Variants in GRB10 observed in about 807,000 individuals in gnomAD.
The protein encoded by GRB10 is growth factor receptor-bound protein 10.
A neutral mutation model predicts 80.9 loss-of-function variants in GRB10; 20 were observed. The ratio of observed to expected loss-of-function variants is 0.25; its 90% CI spans 0.17 to 0.36. GRB10 has a LOEUF of 0.36. Ranked by LOEUF, GRB10 falls within the 10% of genes least tolerant of loss-of-function variation. The probability of loss-of-function intolerance (pLI) is 1.00; values close to 1 mark genes in which losing one functional copy is unlikely to be tolerated. For synonymous variants in GRB10, 291 were observed against 291.5 expected (o/e 1.00, Z 0.02); for missense variants, 548 against 747.7 (o/e 0.73, Z 3.12).
chr7:50,601,220 A>C lies in GRB10; in HGVS notation c.1544+2778T>G, dbSNP rs563079919. ...ACAATGAAATGACAGAAGGATAAACAAACACTAATAAAAGCTGTTTATCTG... is the reference window on the plus strand; with the variant it reads ...ACAATGAAATGACAGAAGGATAAACCAACACTAATAAAAGCTGTTTATCTG... On this transcript the variant is annotated intron_variant, in intron 17 of 18. Transcript: ENST00000401949. Among the ~76,000 whole-genome samples the C allele has an allele frequency of 2.0e-5, 3 of 152,346 alleles. No individual in the cohort carries two copies. In the East Asian group the frequency reaches 5.8e-4, roughly 29 times the overall value.
At chr7:50,733,565 A>G (rs1263893505) in intron 3 of GRB10, among the ~76,000 whole-genome samples, 1 of 152,222 alleles carries the variant, frequency 6.6e-6, no homozygotes, top group Non-Finnish European at 1.5e-5. Flanking sequence ...AGCAGTCAAT[A>G]GCAGTGGAAG....
At chr7:50,690,916 T>G (rs1388661549) in intron 5 of GRB10, among the ~76,000 whole-genome samples, 1 of 152,210 alleles carries the variant, frequency 6.6e-6, no homozygotes, top group Non-Finnish European at 1.5e-5. Flanking sequence ...TAGCTGAGAT[T>G]TGAAAAATTA....
intron 7 of GRB10, among the ~76,000 whole-genome samples, chr7:50,652,434 G>A (rs2058100751): frequency 1.3e-5 from 2 of 152,134 alleles, no homozygotes; most frequent in South Asian, 4.2e-4. Context: ...CCTTTATTAG[G>A]GGAACTCCAA....
intron 17 of GRB10, among the ~76,000 whole-genome samples, chr7:50,600,456 T>C (rs1033562739): frequency 2.0e-5 from 3 of 151,838 alleles, no homozygotes. Flanking sequence ...TACCCAGCAG[T>C]GAGGATAAAT....
chr7:50,732,401 C>CAA, intron 3 of GRB10, 33 bp from the exon 4 acceptor site: 3 of 1,211,766 alleles, frequency 2.5e-6, no homozygotes, highest in Admixed American at 2.1e-5. Flanking sequence ...GAAGCCAAGC[C>CAA]AGAAAAAAAA....
intron 5 of GRB10, among the ~76,000 whole-genome samples, chr7:50,684,088 G>A (rs1041230620): frequency 1.3e-5 from 2 of 152,092 alleles, no homozygotes; most frequent in African/African-American, 4.8e-5. Context: ...CGCCAGTGGA[G>A]GCTCATTAAA....
At chr7:50,663,475 T>C (rs1292782777) in intron 7 of GRB10, among the ~76,000 whole-genome samples, 1 of 152,238 alleles carries the variant, frequency 6.6e-6, no homozygotes, top group African/African-American at 2.4e-5. Flanking sequence ...GAGTGCCATG[T>C]GACTAGGGTC....
chr7:50,742,986 C>G (rs1181039667), intron 3 of GRB10, among the ~76,000 whole-genome samples: 1 of 152,172 alleles, frequency 6.6e-6, no homozygotes, highest in East Asian at 1.9e-4. Context: ...ATCCTAAGTA[C>G]TAGATCCCTA....
At position 50,606,344 on chromosome 7, in the gene GRB10, G is replaced by A. The variant is rs932870989; in HGVS notation, c.1265C>T (p.Thr422Met). Residue 422 changes from threonine to methionine, a missense_variant, in exon 14 of 19, where the codon ACG (threonine) becomes ATG (methionine). Physicochemically the swap from Thr to Met is moderately conservative, Grantham distance 81 (BLOSUM62 -1). This residue lies in a region of GRB10 where 270 missense variants were observed against 433.6 expected (regional missense o/e 0.62). Transcript: ENST00000401949. ...GCTCCTGGCTTTACTTACCACTGGC[G>A]TCGAGAACGGGGACAGCAAGGCCTT... is the stretch of plus-strand genomic sequence containing the variant. ...QRKALLSPFS[T>M]PVRSVSENSL... 5.6e-6 allele frequency: 9 copies of A among 1,613,390 alleles called. No individual in the cohort carries two copies. Among genetic ancestry groups the A allele is most frequent in the Non-Finnish European group, 7.6e-6 (9 of 1,179,420 alleles).
At chr7:50,614,024 C>G (rs1051103772) in intron 12 of GRB10, among the ~76,000 whole-genome samples, 1 of 152,148 alleles carries the variant, frequency 6.6e-6, no homozygotes, top group African/African-American at 2.4e-5. Context: ...GTAAAACTGT[C>G]AGTGGAACAT....
chr7:50,604,662 C>T (rs1250888065), intron 15 of GRB10, among the ~76,000 whole-genome samples: 2 of 152,196 alleles, frequency 1.3e-5, no homozygotes, highest in African/African-American at 2.4e-5. Flanking sequence ...CCTGGTAAAT[C>T]GCAGGAGAAA....
intron 6 of GRB10, among the ~76,000 whole-genome samples, chr7:50,674,163 C>T (rs1428933802): frequency 6.6e-6 from 1 of 152,194 alleles, no homozygotes; most frequent in African/African-American, 2.4e-5. Flanking sequence ...TGGTGGTTTT[C>T]CTGCATATCC....
At chr7:50,698,368 T>C (rs2063718628) in intron 5 of GRB10, among the ~76,000 whole-genome samples, 1 of 152,248 alleles carries the variant, frequency 6.6e-6, no homozygotes, top group Admixed American at 6.5e-5. Flanking sequence ...GTGCTAAGTC[T>C]TATTCACAAA....
chr7:50,751,565 T>C (rs1016844863), intron 3 of GRB10, among the ~76,000 whole-genome samples: 1 of 151,880 alleles, frequency 6.6e-6, no homozygotes, highest in Non-Finnish European at 1.5e-5. Context: ...AGTGAAAGGG[T>C]GGGAAGGAAG....
chr7:50,744,568 C>T (rs1424343587), intron 3 of GRB10, among the ~76,000 whole-genome samples: 1 of 152,196 alleles, frequency 6.6e-6, no homozygotes, highest in Non-Finnish European at 1.5e-5. Flanking sequence ...TTATTACATA[C>T]TGTATTCTTA....
In GRB10 at chr7:50,772,906, A is replaced by T. The variant is rs938093126; in HGVS notation, c.-217+7721T>A. 2.7e-4 allele frequency among the ~76,000 whole-genome samples: 41 copies of T among 152,242 alleles called. 1 individual carries two copies. The highest frequency in any genetic ancestry group is 8.8e-5 in the Non-Finnish European group (6 of 68,038). On this transcript the variant is annotated intron_variant, in intron 2 of 18. Coordinates refer to ENST00000401949, the MANE Select transcript of GRB10 (RefSeq NM_001350814.2). ...ATATATAAATTCCTACAACTGAGTAACAAAAAGCAAATCAAAACCACAATG... is the reference window on the plus strand; with the variant it reads ...ATATATAAATTCCTACAACTGAGTATCAAAAAGCAAATCAAAACCACAATG...
chr7:50,793,122 C>A (rs1203409609), intron 1 of GRB10: 1 of 144,780 alleles, frequency 6.9e-6, no homozygotes, highest in Non-Finnish European at 1.5e-5. Context: ...CCGCCCAGCG[C>A]TCAGACAATG....
intron 2 of GRB10, among the ~76,000 whole-genome samples, chr7:50,770,021 G>A (rs1009870428): frequency 6.6e-6 from 1 of 152,152 alleles, no homozygotes; most frequent in Admixed American, 6.5e-5. Context: ...CAAACACTGG[G>A]GGAAGAGACA....
chr7:50,666,499 T>C (rs1002926322), intron 7 of GRB10, among the ~76,000 whole-genome samples: 1 of 152,142 alleles, frequency 6.6e-6, no homozygotes, highest in Non-Finnish European at 1.5e-5. Context: ...GCTTGTATCT[T>C]ACATGTCTAG....
Sources: allele counts gnomAD v4.1 joint callset (sites outside exome capture counted in the v4.1 genomes callset), GRCh38; gene constraint gnomAD v4.1.1; regional missense constraint gnomAD v4.1.1; transcripts MANE v1.5; gene names NCBI Gene and HGNC (gene_info 2026-07-23, HGNC 2026-07-21).